SLCO1A2: variants seen among roughly 807,000 people sequenced by gnomAD.
The protein encoded by SLCO1A2 is OATP-1.
In SLCO1A2, 67 loss-of-function variants were observed where a neutral mutation model predicts 69.0. The observed-to-expected ratio is 0.97, with a 90% confidence interval of 0.80 to 1.19. The LOEUF (loss-of-function observed/expected upper bound fraction) is 1.19. Among genes scored for constraint, SLCO1A2 ranks in the 50% most tolerant of loss-of-function variants. The pLI is 0.00. For missense variants in SLCO1A2, 787 were observed against 793.7 expected (o/e 0.99, Z 0.10); for synonymous variants, 260 against 265.9 (o/e 0.98, Z 0.22).
At position 21,373,051 on chromosome 12, in the gene SLCO1A2, T is replaced by C. The variant is rs5482; in HGVS notation, c.-63+1348A>G. 1.7e-3 allele frequency: 600 copies of C among 353,008 alleles called. 4 individuals carry two copies. The highest frequency in any genetic ancestry group is 0.012 in the African/African-American group (549 of 46,924). 21.9% of individuals were successfully genotyped at this position (353,008 alleles called of 1,614,324 possible). On this transcript the variant is annotated intron_variant, in intron 2 of 15. Coordinates refer to the SLCO1A2 transcript ENST00000307378. ...GGAAAGTTTTATTTATTTAGAGAAA[T>C]GCACACTTGGTGTTAAATTCATGGT...
At chr12:21,288,376 G>A (rs549573634) in intron 12 of SLCO1A2, among the ~76,000 whole-genome samples, 52 of 152,222 alleles carry the variant, frequency 3.4e-4, no homozygotes, top group African/African-American at 1.2e-3. Flanking sequence ...GGGAGGCGGA[G>A]GTTGCAGTGA....
At chr12:21,272,468 T>A (rs146095804) in intron 14 of SLCO1A2, among the ~76,000 whole-genome samples, 3 of 151,848 alleles carry the variant, frequency 2.0e-5, no homozygotes, top group Non-Finnish European at 2.9e-5. Context: ...TAGATTTACA[T>A]AGCTTCATAA....
Position 21,270,140 on chromosome 12 carries a change from T to C in SLCO1A2, c.1794-373A>G, listed in dbSNP as rs558098274. 1.2e-4 allele frequency among the ~76,000 whole-genome samples: 18 copies of C among 152,002 alleles called. 1 individual carries two copies. Among genetic ancestry groups the C allele is most frequent in the Admixed American group, 1.2e-3 (18 of 15,238 alleles). On this transcript the variant is annotated intron_variant, in intron 14 of 14. Coordinates refer to ENST00000683939, the MANE Select transcript of SLCO1A2 (RefSeq NM_001386879.1). ...CAAAGAATCATCATGAATTATAATA[T>C]ATACTCTTGTGAGAGTTTCTTTAGA... is the stretch of plus-strand genomic sequence containing the variant.
intron 11 of SLCO1A2, 46 bp downstream of exon 11, chr12:21,293,899 A>C: frequency 6.6e-7 from 1 of 1,506,202 alleles, no homozygotes; most frequent in Non-Finnish European, 9.0e-7. Flanking sequence ...ATAGTTGGGA[A>C]GTACCAATGC....
intron 4 of SLCO1A2, among the ~76,000 whole-genome samples, chr12:21,312,094 GAGA>G (rs1006193863): frequency 1.3e-5 from 2 of 150,236 alleles, no homozygotes; most frequent in African/African-American, 4.9e-5. Context: ...GAGGAGGAAG[GAGA>G]AGAAGAAGAA....
intron 1 of SLCO1A2, among the ~76,000 whole-genome samples, chr12:21,406,400 T>C (rs777632044): frequency 1.3e-5 from 2 of 152,198 alleles, no homozygotes; most frequent in Non-Finnish European, 2.9e-5. Context: ...GGACAAAACC[T>C]GGGAATGGCT....
At chr12:21,292,139 A>T in intron 12 of SLCO1A2, 25 bp downstream of exon 12, 1 of 1,496,256 alleles carries the variant, frequency 6.7e-7, no homozygotes, top group Non-Finnish European at 8.9e-7. Flanking sequence ...CCAAAAAAAT[A>T]TAAATAAAGA....
chr12:21,359,345 A>G (rs1204340215), intron 2 of SLCO1A2, among the ~76,000 whole-genome samples: 1 of 152,156 alleles, frequency 6.6e-6, no homozygotes, highest in Non-Finnish European at 1.5e-5. Context: ...AAAATCAACT[A>G]AATTATAAAC....
intron 8 of SLCO1A2, among the ~76,000 whole-genome samples, chr12:21,298,216 T>G (rs1315134223): frequency 1.3e-5 from 2 of 152,190 alleles, no homozygotes. Context: ...GCTGATTCAT[T>G]TGGTACATTC....
In SLCO1A2 at chr12:21,295,620, A is replaced by G. The variant is rs1265271561; in HGVS notation, c.1248T>C (p.Val416=). 2.5e-6 allele frequency: 4 copies of G among 1,593,768 alleles called. No individual in the cohort carries two copies. Reference sequence around the variant, plus strand: ...ACCCTTCATAAGAGGTATTTATTCCAACAACTGAAGAATTTTCACAAGTCA... The same window carrying G: ...ACCCTTCATAAGAGGTATTTATTCCGACAACTGAAGAATTTTCACAAGTCA... ...FLMTCENSSV[V]GINTSYEGIP... is the part of the protein sequence containing the mutation. Residue 416 remains valine (V), a synonymous_variant, in exon 10 of 15, where the codon GTT becomes GTC. Coordinates refer to ENST00000683939, the MANE Select transcript of SLCO1A2 (RefSeq NM_001386879.1).
At chr12:21,274,093 G>T in intron 14 of SLCO1A2, 1 of 155,232 alleles carries the variant, frequency 6.4e-6, no homozygotes, top group South Asian at 2.0e-4. Context: ...AGGAAGTGAG[G>T]CTTCAGACTC....
chr12:21,322,026 T>G (rs1951697889), intron 2 of SLCO1A2, among the ~76,000 whole-genome samples: 1 of 152,134 alleles, frequency 6.6e-6, no homozygotes, highest in Admixed American at 6.6e-5. Flanking sequence ...CAATACAAGT[T>G]TATTGAATTA....
At chr12:21,376,263 G>T in intron 1 of SLCO1A2, 1 of 270,736 alleles carries the variant, frequency 3.7e-6, no homozygotes, top group Non-Finnish European at 7.9e-6. Flanking sequence ...TCTTGGAACA[G>T]ATATTACCTT....
chr12:21,337,822 T>G (rs551106264), upstream of SLCO1A2, among the ~76,000 whole-genome samples: 64 of 152,038 alleles, frequency 4.2e-4, no homozygotes, highest in Non-Finnish European at 8.5e-4. Context: ...ATATAAGTAT[T>G]ATTTTACTTT....
chr12:21,274,421 G>A (rs1368077024), intron 14 of SLCO1A2, 48 bp downstream of exon 14: 7 of 1,234,592 alleles, frequency 5.7e-6, no homozygotes, highest in African/African-American at 1.5e-5. Flanking sequence ...GCTGCGTTAT[G>A]CACAGTCTAT....
At position 21,292,347 on chromosome 12, in the gene SLCO1A2, A is replaced by G. The variant is rs1381294975; in HGVS notation, c.1438-11T>C. On this transcript the variant is annotated splice_polypyrimidine_tract_variant and intron_variant, in intron 11 of 14. Transcript: ENST00000683939. ...GCAATTTTGGAACACCTGCCAAAAA[A>G]TAACATATTATACTAAGAAGTAAAA... The G allele has an allele frequency of 6.2e-7, 1 of 1,602,826 alleles. No individual in the cohort carries two copies.
At chr12:21,404,112 G>A (rs772010252) in intron 1 of SLCO1A2, among the ~76,000 whole-genome samples, 1 of 152,128 alleles carries the variant, frequency 6.6e-6, no homozygotes, top group African/African-American at 2.4e-5. Flanking sequence ...ACAGATTATT[G>A]TATCAGTAAC....
chr12:21,310,177 A>T (rs1374647674), intron 4 of SLCO1A2, among the ~76,000 whole-genome samples: 1 of 152,248 alleles, frequency 6.6e-6, no homozygotes, highest in Non-Finnish European at 1.5e-5. Flanking sequence ...ACACTAATGT[A>T]TAGACATATC....
At position 21,266,999 on chromosome 12, in the gene SLCO1A2, C is replaced by G. The variant is rs989390242; in HGVS notation, c.*2549G>C. The G allele has an allele frequency of 6.6e-5, 10 of 152,000 alleles. No homozygotes were observed. Among genetic ancestry groups the G allele is most frequent in the Admixed American group, 5.9e-4 (9 of 15,246 alleles). The allele number at this position is 152,000 out of a possible 1,614,324, so 9.4% of individuals were successfully genotyped here. ...CTTCTCACTACCTGTTCTCTTGTTTCTCTTCTCCATGTCTGTCCGCTATGC... is the reference window on the plus strand; with the variant it reads ...CTTCTCACTACCTGTTCTCTTGTTTGTCTTCTCCATGTCTGTCCGCTATGC... On this transcript the variant is annotated 3_prime_UTR_variant, in exon 15 of 15. Transcript: ENST00000683939.
Sources: allele counts gnomAD v4.1 joint callset (sites outside exome capture counted in the v4.1 genomes callset), GRCh38; gene constraint gnomAD v4.1.1; transcripts MANE v1.5; gene names NCBI Gene and HGNC (gene_info 2026-07-23, HGNC 2026-07-21).